Variants in FBXO4 observed in about 807,000 individuals in gnomAD.
FBXO4 encodes F-box only protein 4.
In FBXO4, 36 loss-of-function variants were observed where a neutral mutation model predicts 43.7. The observed-to-expected ratio is 0.82, with a 90% CI of 0.63 to 1.09. The LOEUF is 1.09. Ranked by LOEUF, FBXO4 falls within the 50% of genes least tolerant of loss-of-function variation. The probability of loss-of-function intolerance (pLI) is 0.00; values close to 1 mark genes in which losing one functional copy is unlikely to be tolerated. For missense variants in FBXO4, 435 were observed against 474.1 expected (o/e 0.92, Z 0.77); for synonymous variants, 180 against 165.6 (o/e 1.09, Z -0.67).
chr5:42,011,756 T>G, the FBXO4 span, among the ~76,000 whole-genome samples: 1 of 152,134 alleles, frequency 6.6e-6, no homozygotes, highest in South Asian at 2.1e-4. Flanking sequence ...CTATGTAGAG[T>G]GTGTGCAGTA....
chr5:42,006,887 G>GATGT, the FBXO4 span, among the ~76,000 whole-genome samples: 1 of 79,120 alleles, frequency 1.3e-5, no homozygotes, highest in Non-Finnish European at 2.4e-5. Flanking sequence ...GGTTCATGCT[G>GATGT]ATATATATAT....
the FBXO4 span, among the ~76,000 whole-genome samples, chr5:42,033,538 T>TC: frequency 1.3e-5 from 2 of 152,250 alleles, no homozygotes; most frequent in East Asian, 3.9e-4. Context: ...ATGCTCTTTC[T>TC]CCCCTCGCCT....
chr5:42,040,339 G>A, the FBXO4 span, among the ~76,000 whole-genome samples: 198 of 152,044 alleles, frequency 1.3e-3, no homozygotes, highest in South Asian at 7.7e-3. Context: ...TGTTCTGTCC[G>A]CACTGTTTAG....
chr5:41,936,771 GA>G (rs143283100), intron 5 of FBXO4, among the ~76,000 whole-genome samples: 12,130 of 151,688 alleles, frequency 0.08, 697 homozygotes, highest in African/African-American at 0.16. Context: ...AACACAAAGA[GA>G]AAAAAAAGTA....
chr5:41,941,731 A>G lies in FBXO4; in HGVS notation c.*450A>G, dbSNP rs1752009202. 6.5e-6 allele frequency: 1 copy of G among 153,994 alleles called. No homozygotes were observed. The highest frequency in any genetic ancestry group is 3.4e-3 in the Middle Eastern group (1 of 294). The allele number at this position is 153,994 out of a possible 1,614,324, so 9.5% of individuals were successfully genotyped here. ...TCTATTCTTAATAAATACACTGCTT[A>G]AAGACTGAAAAATGTACTGGAATTG... On this transcript the variant is annotated 3_prime_UTR_variant, in exon 7 of 7. Coordinates refer to ENST00000281623, the MANE Select transcript of FBXO4 (RefSeq NM_012176.3).
chr5:41,966,677 T>A, the FBXO4 span, among the ~76,000 whole-genome samples: 1 of 152,238 alleles, frequency 6.6e-6, no homozygotes, highest in Non-Finnish European at 1.5e-5. Context: ...AGATTATTTT[T>A]TTCTTTCTAC....
the FBXO4 span, among the ~76,000 whole-genome samples, chr5:42,029,558 C>T: frequency 6.6e-6 from 1 of 152,034 alleles, no homozygotes; most frequent in African/African-American, 2.4e-5. Context: ...CTACCATGTA[C>T]TTGGGGCCAA....
the FBXO4 span, among the ~76,000 whole-genome samples, chr5:42,006,411 G>A: frequency 2.0e-5 from 3 of 151,996 alleles, no homozygotes; most frequent in Non-Finnish European, 4.4e-5. Flanking sequence ...CAAGAATTAT[G>A]TTAGGCTACA....
the FBXO4 span, among the ~76,000 whole-genome samples, chr5:42,028,408 T>TG: frequency 6.6e-6 from 1 of 151,870 alleles, no homozygotes; most frequent in Non-Finnish European, 1.5e-5. Context: ...TCAGTTTTTG[T>TG]GTGTTTTTAT....
downstream of FBXO4, among the ~76,000 whole-genome samples, chr5:41,946,412 C>T (rs1398025202): frequency 6.6e-6 from 1 of 152,198 alleles, no homozygotes; most frequent in Non-Finnish European, 1.5e-5. Context: ...TGAGAATCAA[C>T]ATATTAAAAC....
At chr5:41,961,484 C>T in the FBXO4 span, among the ~76,000 whole-genome samples, 2 of 152,140 alleles carry the variant, frequency 1.3e-5, no homozygotes, top group African/African-American at 4.8e-5. Context: ...GATAATGGCA[C>T]AGGTGTCTAG....
intron 5 of FBXO4, chr5:41,934,876 G>C (rs1034664077): frequency 1.0e-6 from 1 of 986,854 alleles, no homozygotes; most frequent in Non-Finnish European, 1.2e-6. Flanking sequence ...ATTGGGCCAT[G>C]AGCTAGTATT....
At chr5:41,953,307 C>T in the FBXO4 span, among the ~76,000 whole-genome samples, 2 of 151,616 alleles carry the variant, frequency 1.3e-5, no homozygotes, top group Non-Finnish European at 2.9e-5. Context: ...TCATCCATGT[C>T]CCTACAAAGG....
At chr5:41,964,342 G>A in the FBXO4 span, among the ~76,000 whole-genome samples, 1 of 151,662 alleles carries the variant, frequency 6.6e-6, no homozygotes, top group East Asian at 1.9e-4. Context: ...TATATCATAG[G>A]CATCTTCACC....
chr5:41,974,908 C>T, the FBXO4 span, among the ~76,000 whole-genome samples: 1 of 152,068 alleles, frequency 6.6e-6, no homozygotes, highest in African/African-American at 2.4e-5. Flanking sequence ...GTGGGTGTAT[C>T]CTTTTTTTCT....
the FBXO4 span, among the ~76,000 whole-genome samples, chr5:42,026,116 A>G: frequency 1.3e-5 from 2 of 151,872 alleles, no homozygotes; most frequent in Non-Finnish European, 2.9e-5. Flanking sequence ...TTGATTCTGT[A>G]GATTGCTTTG....
chr5:42,031,141 A>G, the FBXO4 span, among the ~76,000 whole-genome samples: 2 of 152,190 alleles, frequency 1.3e-5, no homozygotes, highest in African/African-American at 2.4e-5. Flanking sequence ...TCATGCTGCT[A>G]TAAAGACACA....
chr5:41,954,448 C>T, the FBXO4 span, among the ~76,000 whole-genome samples: 1 of 152,134 alleles, frequency 6.6e-6, no homozygotes, highest in African/African-American at 2.4e-5. Flanking sequence ...AATTAAGTTG[C>T]TTTGCCATCA....
chr5:41,957,837 A>G, the FBXO4 span, among the ~76,000 whole-genome samples: 12 of 152,240 alleles, frequency 7.9e-5, no homozygotes, highest in East Asian at 1.5e-3. Flanking sequence ...AGAACAATAC[A>G]CTGAAGCAAA....
Sources: allele counts gnomAD v4.1 joint callset (sites outside exome capture counted in the v4.1 genomes callset), GRCh38; gene constraint gnomAD v4.1.1; transcripts MANE v1.5; gene names NCBI Gene and HGNC (gene_info 2026-07-23, HGNC 2026-07-21).